The following NOP56 variants were observed in gnomAD, a reference collection of about 807,000 sequenced individuals.
NOP56 encodes nucleolar protein 56.
NOP56 carries 31 observed loss-of-function variants against 58.3 expected under a neutral mutation model. The ratio of observed to expected loss-of-function variants is 0.53; its 90% CI spans 0.40 to 0.72. NOP56 has a LOEUF of 0.72. Ranked by LOEUF, NOP56 falls within the 30% of genes least tolerant of loss-of-function variation. The pLI is 0.00. For synonymous variants in NOP56, 313 were observed against 282.8 expected, an observed-to-expected ratio of 1.11 and a Z score of -1.07; for missense variants, 669 against 739.9, an observed-to-expected ratio of 0.90 and a Z score of 1.11.
Position 2,652,656 on chromosome 20 carries a change from G to C in NOP56, c.-5G>C, listed in dbSNP as rs765854247. On this transcript the variant is annotated 5_prime_UTR_variant, in exon 1 of 12. Coordinates refer to ENST00000329276, the MANE Select transcript of NOP56 (RefSeq NM_006392.4). ...CATTGCGAGCCGAACCCGGGAGCTGGCGCCATGGTGAGGAGTGGTTGCGGG... is the reference window on the plus strand; with the variant it reads ...CATTGCGAGCCGAACCCGGGAGCTGCCGCCATGGTGAGGAGTGGTTGCGGG... 4.2e-6 allele frequency: 6 copies of C among 1,432,490 alleles called. No homozygotes were observed. Among genetic ancestry groups the C allele is most frequent in the Non-Finnish European group, 5.4e-6 (6 of 1,101,290 alleles). 88.7% of individuals were successfully genotyped at this position (1,432,490 alleles called of 1,614,324 possible).
chr20:2,657,075 G>T lies in NOP56; in HGVS notation c.1282-6G>T. On this transcript the variant is annotated splice_polypyrimidine_tract_variant and splice_region_variant and intron_variant, in intron 10 of 11. Transcript: ENST00000329276. ...TCAGGCCCTTTTAGCACTTTTCTTTGACCAGGCAGAGGAAGCGGCTGCTGA... is the reference window on the plus strand; with the variant it reads ...TCAGGCCCTTTTAGCACTTTTCTTTTACCAGGCAGAGGAAGCGGCTGCTGA... The T allele has an allele frequency of 1.2e-6, 2 of 1,613,962 alleles. No individual in the cohort carries two copies. The highest frequency in any genetic ancestry group is 2.2e-5 in the South Asian group (2 of 91,048).
rs764465169 is a variant in NOP56, at chr20:2,656,807, G to T, written c.1193G>T (p.Arg398Leu). ...VPTSVFGEKLREQVEERLSFY... is the reference protein window; with the variant it reads ...VPTSVFGEKLLEQVEERLSFY... ...ACGAGTGTATTCGGGGAGAAGCTTC[G>T]AGAACAAGTTGAAGAGCGACTGTCC... The change falls in exon 10 of 12, where the codon CGA (arginine) becomes CTA (leucine). Residue 398 changes from arginine to leucine, a missense_variant. Transcript: ENST00000329276. 1.9e-6 allele frequency: 3 copies of T among 1,613,980 alleles called. No individual in the cohort carries two copies. Among genetic ancestry groups the T allele is most frequent in the Non-Finnish European group, 2.5e-6 (3 of 1,180,022 alleles).
Position 2,657,087 on chromosome 20 carries a change from G to A in NOP56, c.1288G>A (p.Glu430Lys), listed in dbSNP as rs1600160939. The change falls in exon 11 of 12, where the codon GAA becomes AAA. Residue 430 changes from glutamate to lysine, a missense_variant. This residue lies in a region of NOP56 where 209 missense variants were observed against 196.2 expected (regional missense o/e 1.07). Transcript: ENST00000329276. ...AGCACTTTTCTTTGACCAGGCAGAG[G>A]AAGCGGCTGCTGAGATTACTAGGAA... ...VMKEAMVQAE[E>K]AAAEITRKLE... is the part of the protein sequence containing the mutation. The A allele has an allele frequency of 1.9e-6, 3 of 1,614,028 alleles. No individual in the cohort carries two copies. Among genetic ancestry groups the A allele is most frequent in the Non-Finnish European group, 2.5e-6 (3 of 1,180,040 alleles).
chr20:2,655,632 G>T lies in NOP56; in HGVS notation c.795G>T (p.Glu265Asp). 1.9e-6 allele frequency: 3 copies of T among 1,614,140 alleles called. No individual in the cohort carries two copies. The highest frequency in any genetic ancestry group is 2.5e-6 in the Non-Finnish European group (3 of 1,180,006). The change falls in exon 7 of 12, where the codon GAG becomes GAT. Residue 265 changes from glutamate to aspartate, a missense_variant. Physicochemically the swap from Glu to Asp is conservative, Grantham distance 45 (BLOSUM62 2). Transcript: ENST00000329276. ...DISAIDLINI[E>D]SFSSRVVSLS... ...CTGCCATTGACTTGATAAACATCGA[G>T]AGCTTCTCCAGTCGTGTGGTGTCTT...
Position 2,653,265 on chromosome 20 carries a change from C to CT in NOP56, c.94-11dup, listed in dbSNP as rs755470008. The stretch of plus-strand genomic sequence containing the variant: ...GGGAGGGAAGGAAACCACTTAGCCT[C>CT]TTTCTCCCCCCAGGTGGAGGAGTCT... On this transcript the variant is annotated splice_polypyrimidine_tract_variant and intron_variant, in intron 2 of 11. Coordinates refer to ENST00000329276, the MANE Select transcript of NOP56 (RefSeq NM_006392.4). The CT allele has an allele frequency of 1.9e-6, 3 of 1,605,482 alleles. No individual in the cohort carries two copies. In the South Asian group the frequency reaches 3.3e-5, roughly 18 times the overall value.
In NOP56 at chr20:2,652,640, C is replaced by A. The variant is rs769756789; in HGVS notation, c.-21C>A. ...CGGAGCGCGCTAGCCGCATTGCGAG[C>A]CGAACCCGGGAGCTGGCGCCATGGT... On this transcript the variant is annotated 5_prime_UTR_variant, in exon 1 of 12. Transcript: ENST00000329276. The A allele has an allele frequency of 2.8e-6, 4 of 1,409,874 alleles. No homozygotes were observed. Among genetic ancestry groups the A allele is most frequent in the Non-Finnish European group, 2.8e-6 (3 of 1,089,894 alleles). 87.3% of individuals were successfully genotyped at this position (1,409,874 alleles called of 1,614,324 possible).
At chr20:2,654,684 G>A in intron 4 of NOP56, 65 bp from the exon 5 acceptor site, 2 of 1,604,542 alleles carry the variant, frequency 1.2e-6, no homozygotes, top group Non-Finnish European at 8.5e-7. Context: ...AGGCTGGGCT[G>A]GTGCCCGTGG....
At chr20:2,657,271 A>G in intron 11 of NOP56, 53 bp downstream of exon 11, 20 of 1,612,292 alleles carry the variant, frequency 1.2e-5, no homozygotes, top group Non-Finnish European at 1.7e-5. Flanking sequence ...GATTTTCAAC[A>G]GCAGAACAAA....
At chr20:2,654,991 TAGTTC>T (rs1460387971) in intron 5 of NOP56, 44 bp downstream of exon 5, 53 of 1,606,848 alleles carry the variant, frequency 3.3e-5, no homozygotes, top group Non-Finnish European at 4.4e-5. Context: ...CTTTGGTCTG[TAGTTC>T]AGTTAATTTT....
rs774999691 is a variant in NOP56, at chr20:2,652,657, C to G, written c.-4C>G. On this transcript the variant is annotated 5_prime_UTR_variant, in exon 1 of 12. Transcript: ENST00000329276. ...ATTGCGAGCCGAACCCGGGAGCTGG[C>G]GCCATGGTGAGGAGTGGTTGCGGGG... The G allele has an allele frequency of 2.8e-6, 4 of 1,430,388 alleles. No individual in the cohort carries two copies. Among genetic ancestry groups the G allele is most frequent in the Non-Finnish European group, 3.6e-6 (4 of 1,100,526 alleles). The allele number at this position is 1,430,388 out of a possible 1,614,324, so 88.6% of individuals were successfully genotyped here. A position where few individuals can be genotyped will look rare whatever the true frequency, so the allele number is the denominator to read the frequency against.
At position 2,658,023 on chromosome 20, in the gene NOP56, A is replaced by G; in HGVS notation, c.1514A>G (p.Lys505Arg). The part of the protein sequence containing the change: ...GMEDPSISFS[K>R]PKKKKSFSKE... ...GAAGACCCATCTATCTCTTTCTCCA[A>G]ACCCAAGAAAAAGAAATCTTTTTCC... Residue 505 changes from lysine (K) to arginine (R), a missense_variant, in exon 12 of 12, where the codon AAA becomes AGA. This residue lies in a region of NOP56 where 209 missense variants were observed against 196.2 expected (regional missense o/e 1.07). Transcript: ENST00000329276. 6.2e-7 allele frequency: 1 copy of G among 1,613,346 alleles called. No individual in the cohort carries two copies. The highest frequency in any genetic ancestry group is 8.5e-7 in the Non-Finnish European group (1 of 1,179,346).
intron 10 of NOP56, 53 bp downstream of exon 10, chr20:2,656,948 T>A (rs1281808287): frequency 1.2e-6 from 2 of 1,613,754 alleles, no homozygotes; most frequent in African/African-American, 2.7e-5. Flanking sequence ...TTGGAGGTGA[T>A]GAACTGTCTG....
rs756308857 is a variant in NOP56 at position 2,654,736 on chromosome 20, G to C, written c.371-13G>C. ...AGAGCCCCTTGTTGCTCACCGTCTTGCCCTCTTCTTAGGAGTTCGTCTGCA... is the reference window on the plus strand; with the variant it reads ...AGAGCCCCTTGTTGCTCACCGTCTTCCCCTCTTCTTAGGAGTTCGTCTGCA... On this transcript the variant is annotated splice_polypyrimidine_tract_variant and intron_variant, in intron 4 of 11. Transcript: ENST00000329276. The C allele has an allele frequency of 5.0e-6, 8 of 1,613,092 alleles. No individual in the cohort carries two copies. The South Asian group carries it at 8.8e-5, about 18-fold the overall frequency.
rs1429091369 is a variant in NOP56, at chr20:2,658,205, G to A, written c.1696G>A (p.Glu566Lys). 1 of 1,606,352 alleles carries A rather than the reference G, an allele frequency of 6.2e-7. No individual in the cohort carries two copies. Among genetic ancestry groups the A allele is most frequent in the Admixed American group, 1.7e-5 (1 of 58,164 alleles). The change falls in exon 12 of 12, where the codon GAG becomes AAG. Residue 566 changes from glutamate (E) to lysine (K), a missense_variant. Glu to Lys is a moderately conservative substitution (Grantham distance 56). This residue lies in a region of NOP56 where 209 missense variants were observed against 196.2 expected (regional missense o/e 1.07). Transcript: ENST00000329276. ...SKKKRKFSKE[E>K]PVSSGPEEAV... ...GAAAAAGAGGAAATTCTCCAAAGAG[G>A]AGCCGGTCAGCAGTGGGCCTGAAGA... is the stretch of plus-strand genomic sequence containing the variant.
chr20:2,654,746 T>TAG lies in NOP56; in HGVS notation c.371-2_371-1dup. ...GTTGCTCACCGTCTTGCCCTCTTCT[T>TAG]AGGAGTTCGTCTGCACTTCCACAAT... On this transcript the variant is annotated splice_region_variant and splice_polypyrimidine_tract_variant and intron_variant, in intron 4 of 11. Coordinates refer to ENST00000329276, the MANE Select transcript of NOP56 (RefSeq NM_006392.4). 2 of 1,613,560 alleles carry TAG rather than the reference T, an allele frequency of 1.2e-6. No homozygotes were observed. The highest frequency in any genetic ancestry group is 1.7e-6 in the Non-Finnish European group (2 of 1,180,004).
At chr20:2,655,224 C>T (rs760235711) in intron 5 of NOP56, 101 bp from the exon 6 acceptor site, 2 of 1,407,716 alleles carry the variant, frequency 1.4e-6, no homozygotes, top group East Asian at 4.6e-5. Context: ...GGATCTTTGT[C>T]CCATTTCCTC....
At position 2,658,095 on chromosome 20, in the gene NOP56, C is replaced by G. The variant is rs995618019; in HGVS notation, c.1586C>G (p.Thr529Ser). 1 of 1,613,888 alleles carries G rather than the reference C, an allele frequency of 6.2e-7. No individual in the cohort carries two copies. The highest frequency in any genetic ancestry group is 1.3e-5 in the African/African-American group (1 of 74,844). ...GATCTTGAAGAGACCGCTGGCAGCA[C>G]CAGTATTCCCAAGAGGAAGAAGTCT... ...SSDLEETAGS[T>S]SIPKRKKSTP... is the part of the protein sequence containing the mutation. Residue 529 changes from threonine (T) to serine (S), a missense_variant, in exon 12 of 12, where the codon ACC (threonine) becomes AGC (serine). Transcript: ENST00000329276.
At chr20:2,652,758 C>CCTGGGCCTGGGCCTGGGCCTGG (rs55762518) in intron 1 of NOP56, 84 bp from the exon 2 acceptor site, 41 of 1,196,044 alleles carry the variant, frequency 3.4e-5, no homozygotes, top group South Asian at 1.5e-4. Flanking sequence ...CCTGGGCCTG[C>CCTGGGCCTGGGCCTGGGCCTGG]GCCTGCGCCT....
intron 1 of NOP56, 45 bp from the exon 2 acceptor site, chr20:2,652,797 G>A: frequency 6.4e-7 from 1 of 1,569,374 alleles, no homozygotes; most frequent in Non-Finnish European, 8.6e-7. Context: ...GGTTCCGGCA[G>A]ACGCTGAGGT....
Sources: allele counts gnomAD v4.1 joint callset, GRCh38; gene constraint gnomAD v4.1.1; regional missense constraint gnomAD v4.1.1; transcripts MANE v1.5; gene names NCBI Gene and HGNC (gene_info 2026-07-23, HGNC 2026-07-21).